The following RUNDC3B variants were observed in gnomAD, a reference collection of about 807,000 sequenced individuals.
RUNDC3B encodes RUN domain-containing protein 3B.
A neutral mutation model predicts 58.4 loss-of-function variants in RUNDC3B; 33 were observed. The observed-to-expected ratio is 0.56, with a 90% CI of 0.43 to 0.75. The LOEUF is 0.75. Ranked by LOEUF, RUNDC3B falls within the 30% of genes least tolerant of loss-of-function variation. The pLI is 0.00. For missense variants in RUNDC3B, 501 were observed against 535.7 expected (o/e 0.94, Z 0.64); for synonymous variants, 193 against 195.2 (o/e 0.99, Z 0.10).
intron 8 of RUNDC3B, among the ~76,000 whole-genome samples, chr7:87,792,611 G>A (rs1478262021): frequency 2.0e-5 from 3 of 152,058 alleles, no homozygotes; most frequent in Non-Finnish European, 2.9e-5. Context: ...TGAATGACCA[G>A]TGGGTCAGGA....
intron 1 of RUNDC3B, among the ~76,000 whole-genome samples, chr7:87,640,306 C>T (rs533638744): frequency 1.3e-5 from 2 of 151,324 alleles, no homozygotes; most frequent in African/African-American, 2.4e-5. Flanking sequence ...TCCATTTTAC[C>T]TTCCTCAGTT....
Position 87,770,584 on chromosome 7 carries a change from T to C in RUNDC3B, c.633T>C (p.Ser211=). The change falls in exon 7 of 11, where the codon TCT becomes TCC. Residue 211 remains serine (S), a synonymous_variant. Coordinates refer to ENST00000394654, the MANE Select transcript of RUNDC3B (RefSeq NM_001134405.2). ...YTPYLKYIQS[S]DSISSDEEEL... is the part of the protein sequence containing the mutation. ...TTTAAAATTTTGATCTTCCCAGTTCTGATAGTATCAGCAGTGATGAGGAGG... is the reference window on the plus strand; with the variant it reads ...TTTAAAATTTTGATCTTCCCAGTTCCGATAGTATCAGCAGTGATGAGGAGG... 1.2e-6 allele frequency: 2 copies of C among 1,612,310 alleles called. No individual in the cohort carries two copies. Among genetic ancestry groups the C allele is most frequent in the Non-Finnish European group, 1.7e-6 (2 of 1,178,934 alleles).
At chr7:87,751,385 A>C (rs1296797228) in intron 6 of RUNDC3B, among the ~76,000 whole-genome samples, 1 of 151,998 alleles carries the variant, frequency 6.6e-6, no homozygotes, top group Non-Finnish European at 1.5e-5. Flanking sequence ...TTCCACATGA[A>C]CTTTAAAGTA....
At chr7:87,752,449 G>A (rs1386527893) in intron 6 of RUNDC3B, among the ~76,000 whole-genome samples, 1 of 152,104 alleles carries the variant, frequency 6.6e-6, no homozygotes, top group African/African-American at 2.4e-5. Flanking sequence ...CAGAAGGAAT[G>A]GTACCAGTTC....
intron 5 of RUNDC3B, among the ~76,000 whole-genome samples, chr7:87,740,754 AGGTTTAAT>A (rs1217482477): frequency 6.6e-6 from 1 of 152,198 alleles, no homozygotes; most frequent in East Asian, 1.9e-4. Flanking sequence ...AGCTAGTATT[AGGTTTAAT>A]TAGCTTAATT....
At chr7:87,645,820 G>A (rs539943048) in intron 1 of RUNDC3B, among the ~76,000 whole-genome samples, 5 of 152,282 alleles carry the variant, frequency 3.3e-5, no homozygotes, top group African/African-American at 1.2e-4. Flanking sequence ...TGAGTATTGA[G>A]TGGGAAGAAT....
chr7:87,763,498 C>T (rs1481799404), intron 6 of RUNDC3B, among the ~76,000 whole-genome samples: 1 of 151,550 alleles, frequency 6.6e-6, no homozygotes, highest in Non-Finnish European at 1.5e-5. Flanking sequence ...CTTATCTCAT[C>T]CTCTTTTTAG....
rs1226549428 is a variant in RUNDC3B, at chr7:87,628,572, G to GGTGCGTGC, written c.-244_-237dup. ...TCGGCGGCGCGCCGAGGGCGGAGGT[G>GGTGCGTGC]GTGCGTGCGTGCGTGTGTGTGTGTG... On this transcript the variant is annotated 5_prime_UTR_variant, in exon 1 of 11. Transcript: ENST00000394654. 39 of 326,800 alleles carry GGTGCGTGC rather than the reference G, an allele frequency of 1.2e-4. No individual in the cohort carries two copies. Among genetic ancestry groups the GGTGCGTGC allele is most frequent in the Middle Eastern group, 1.6e-3 (2 of 1,266 alleles). The allele number at this position is 326,800 out of a possible 1,614,324, so 20.2% of individuals were successfully genotyped here. A position where few individuals can be genotyped will look rare whatever the true frequency, so the allele number is the denominator to read the frequency against.
intron 2 of RUNDC3B, among the ~76,000 whole-genome samples, chr7:87,680,743 C>A (rs181254158): frequency 6.7e-6 from 1 of 149,616 alleles, no homozygotes; most frequent in Non-Finnish European, 1.5e-5. Flanking sequence ...TGCAGTGAGC[C>A]AAGATCGCGC....
intron 1 of RUNDC3B, among the ~76,000 whole-genome samples, chr7:87,645,179 T>G (rs1417015358): frequency 6.6e-6 from 1 of 150,660 alleles, no homozygotes; most frequent in Non-Finnish European, 1.5e-5. Flanking sequence ...ACCTCCTGGG[T>G]TCAAGCGATT....
intron 2 of RUNDC3B, among the ~76,000 whole-genome samples, chr7:87,656,580 G>A (rs967565967): frequency 1.3e-5 from 2 of 151,952 alleles, no homozygotes; most frequent in African/African-American, 4.8e-5. Context: ...AAGATAAAGG[G>A]GGAGGAGGAA....
At chr7:87,633,151 A>G (rs1821395580) in intron 1 of RUNDC3B, among the ~76,000 whole-genome samples, 1 of 152,216 alleles carries the variant, frequency 6.6e-6, no homozygotes, top group African/African-American at 2.4e-5. Context: ...TTATATTTTT[A>G]TACATAACTA....
At chr7:87,751,030 T>G (rs1270089817) in intron 6 of RUNDC3B, among the ~76,000 whole-genome samples, 4 of 152,248 alleles carry the variant, frequency 2.6e-5, no homozygotes, top group African/African-American at 9.6e-5. Flanking sequence ...GTTTAAGTCT[T>G]TAATCCCTCT....
chr7:87,739,572 C>A (rs1019934042), intron 4 of RUNDC3B, among the ~76,000 whole-genome samples: 7 of 151,940 alleles, frequency 4.6e-5, no homozygotes, highest in Admixed American at 1.3e-4. Flanking sequence ...GTTATATTGG[C>A]AGGTTTTAGT....
intron 2 of RUNDC3B, among the ~76,000 whole-genome samples, chr7:87,675,632 A>G (rs1351615887): frequency 6.8e-6 from 1 of 146,872 alleles, no homozygotes; most frequent in African/African-American, 2.6e-5. Flanking sequence ...AATAGTGTTC[A>G]GAAAACTGAA....
intron 4 of RUNDC3B, among the ~76,000 whole-genome samples, chr7:87,730,497 G>A (rs1194294676): frequency 1.3e-5 from 2 of 151,558 alleles, no homozygotes; most frequent in Non-Finnish European, 2.9e-5. Context: ...GGGAGGAAGA[G>A]TGGAAAGGAC....
At chr7:87,759,397 A>C (rs1014660131) in intron 6 of RUNDC3B, among the ~76,000 whole-genome samples, 7 of 152,148 alleles carry the variant, frequency 4.6e-5, no homozygotes, top group African/African-American at 1.7e-4. Context: ...TAGAATGAAT[A>C]AGATCTAGTA....
At chr7:87,662,264 C>T (rs1222629339) in intron 2 of RUNDC3B, among the ~76,000 whole-genome samples, 1 of 152,094 alleles carries the variant, frequency 6.6e-6, no homozygotes, top group African/African-American at 2.4e-5. Context: ...GATGTGATCT[C>T]ACTTGTCCGT....
chr7:87,644,601 A>G (rs909441053), intron 1 of RUNDC3B, among the ~76,000 whole-genome samples: 1 of 152,220 alleles, frequency 6.6e-6, no homozygotes, highest in African/African-American at 2.4e-5. Context: ...TTCAGATATC[A>G]TTCCATATAA....
Sources: gnomAD v4.1 joint callset for allele counts (sites outside exome capture counted in the v4.1 genomes callset) on GRCh38, gnomAD v4.1.1 for gene constraint, MANE v1.5 for transcripts, NCBI Gene and HGNC (gene_info 2026-07-23, HGNC 2026-07-21) for gene names.